The following TPCN2 variants were observed in gnomAD, a reference collection of about 807,000 sequenced individuals.
The protein encoded by TPCN2 is two pore segment channel 2.
A neutral mutation model predicts 111.4 loss-of-function variants in TPCN2; 92 were observed. That is an observed-to-expected ratio of 0.83 (90% CI 0.70 to 0.98). TPCN2 has a LOEUF of 0.98. Among genes scored for constraint, TPCN2 ranks in the 50% least tolerant of loss-of-function variants. The pLI, the probability that TPCN2 is intolerant of heterozygous loss-of-function variation, is 0.00. For synonymous variants in TPCN2, 405 were observed against 414.5 expected (o/e 0.98, Z 0.28); for missense variants, 995 against 980.1 (o/e 1.02, Z -0.20).
intron 8 of TPCN2, among the ~76,000 whole-genome samples, chr11:69,069,128 G>T (rs558209007): frequency 7.1e-6 from 1 of 140,126 alleles, no homozygotes; most frequent in East Asian, 2.1e-4. Context: ...CGCAGTGGGA[G>T]CAGGACTGTC....
intron 5 of TPCN2, among the ~76,000 whole-genome samples, chr11:69,061,529 CAG>C (rs924746322): frequency 5.9e-5 from 9 of 152,140 alleles, no homozygotes; most frequent in Non-Finnish European, 8.8e-5. Context: ...AGGTGTGAGG[CAG>C]AGAGAGGAGG....
intron 5 of TPCN2, among the ~76,000 whole-genome samples, chr11:69,062,544 G>A (rs1855068319): frequency 6.6e-6 from 1 of 151,292 alleles, no homozygotes; most frequent in South Asian, 2.1e-4. Context: ...TACCAAGGGA[G>A]GCATGGGGCC....
At chr11:69,086,173 G>C (rs1856265077) in intron 22 of TPCN2, among the ~76,000 whole-genome samples, 1 of 152,222 alleles carries the variant, frequency 6.6e-6, no homozygotes, top group Non-Finnish European at 1.5e-5. Flanking sequence ...GAGGTCGTTG[G>C]TGTGTTTGGG....
chr11:69,058,527 T>G (rs1247810626), intron 5 of TPCN2, among the ~76,000 whole-genome samples: 3 of 15,064 alleles, frequency 2.0e-4, no homozygotes, highest in Non-Finnish European at 0.05. Context: ...AGTGCCGATG[T>G]GGGGGCTGGA....
intron 1 of TPCN2, among the ~76,000 whole-genome samples, chr11:69,052,126 T>C (rs1186155587): frequency 2.0e-5 from 3 of 152,164 alleles, no homozygotes; most frequent in Non-Finnish European, 2.9e-5. Flanking sequence ...TGCCCACCAC[T>C]GTTGGCCTGG....
chr11:69,052,525 G>C (rs1406758914), intron 1 of TPCN2, among the ~76,000 whole-genome samples: 1 of 152,124 alleles, frequency 6.6e-6, no homozygotes, highest in African/African-American at 2.4e-5. Context: ...TGGGTCTCGT[G>C]GCTGTGCATG....
At chr11:69,052,256 G>C (rs1183999852) in intron 1 of TPCN2, among the ~76,000 whole-genome samples, 1 of 152,272 alleles carries the variant, frequency 6.6e-6, no homozygotes, top group African/African-American at 2.4e-5. Flanking sequence ...TCCTGGTAGA[G>C]ATTTTGTCTT....
At chr11:69,083,377 T>C (rs979484069) in intron 18 of TPCN2, 5 of 157,040 alleles carry the variant, frequency 3.2e-5, no homozygotes, top group African/African-American at 1.2e-4. Context: ...CTCAGGTGGG[T>C]TGATGGGGCT....
intron 4 of TPCN2, 135 bp downstream of exon 4, chr11:69,055,487 G>A: frequency 1.1e-6 from 1 of 950,128 alleles, no homozygotes; most frequent in South Asian, 1.7e-5. Flanking sequence ...GGTGAGCAAG[G>A]CACACTTTCT....
At chr11:69,066,975 C>T (rs1380938092) in intron 7 of TPCN2, among the ~76,000 whole-genome samples, 1 of 152,224 alleles carries the variant, frequency 6.6e-6, no homozygotes, top group Non-Finnish European at 1.5e-5. Context: ...GTGGATGCCC[C>T]CTTACCAATG....
At position 69,060,306 on chromosome 11, in the gene TPCN2, C is replaced by T. The variant is rs539160526; in HGVS notation, c.547-2578C>T. Among the ~76,000 whole-genome samples, 13 of 152,318 alleles carry T rather than the reference C, an allele frequency of 8.5e-5. No homozygotes were observed. In the East Asian group the frequency reaches 1.5e-3, roughly 18 times the overall value. Reference sequence around the variant, plus strand: ...GCTGAAATGTGCGTGTGTGTGTTTCCGGCTGGGCCGGCTATCATTCAGCAC... The same window carrying T: ...GCTGAAATGTGCGTGTGTGTGTTTCTGGCTGGGCCGGCTATCATTCAGCAC... On this transcript the variant is annotated intron_variant, in intron 5 of 24. Transcript: ENST00000294309.
chr11:69,081,648 C>G (rs1856017606), intron 18 of TPCN2, 149 bp downstream of exon 18: 2 of 565,606 alleles, frequency 3.5e-6, no homozygotes, highest in Non-Finnish European at 6.3e-6. Flanking sequence ...CTCTGCCGTG[C>G]TCTTGTGATG....
intron 13 of TPCN2, among the ~76,000 whole-genome samples, chr11:69,075,372 A>G (rs1397229705): frequency 6.6e-6 from 1 of 152,194 alleles, no homozygotes; most frequent in East Asian, 1.9e-4. Flanking sequence ...ACCTACACAC[A>G]TCCTTCCGTA....
intron 7 of TPCN2, among the ~76,000 whole-genome samples, chr11:69,066,740 C>T (rs1402925351): frequency 6.6e-5 from 10 of 152,198 alleles, no homozygotes; most frequent in Admixed American, 6.5e-4. Context: ...GTGCCACCTG[C>T]CCCCACAGTT....
chr11:69,083,929 C>T lies in TPCN2; in HGVS notation c.1690-16C>T. ...GGCCAGGAGGAGTAAGGGCTGTGCTCTCTTCCTGTCCTCAGCTGATGGCCG... is the reference window on the plus strand; with the variant it reads ...GGCCAGGAGGAGTAAGGGCTGTGCTTTCTTCCTGTCCTCAGCTGATGGCCG... On this transcript the variant is annotated splice_polypyrimidine_tract_variant and intron_variant, in intron 18 of 24. Transcript: ENST00000294309. 6.2e-7 allele frequency: 1 copy of T among 1,613,624 alleles called. No homozygotes were observed. The highest frequency in any genetic ancestry group is 8.5e-7 in the Non-Finnish European group (1 of 1,179,574).
In TPCN2 at chr11:69,083,927, C is replaced by T. The variant is rs1325971026; in HGVS notation, c.1690-18C>T. On this transcript the variant is annotated intron_variant, in intron 18 of 24. Transcript: ENST00000294309. Reference sequence around the variant, plus strand: ...GGGGCCAGGAGGAGTAAGGGCTGTGCTCTCTTCCTGTCCTCAGCTGATGGC... The same window carrying T: ...GGGGCCAGGAGGAGTAAGGGCTGTGTTCTCTTCCTGTCCTCAGCTGATGGC... 6.2e-7 allele frequency: 1 copy of T among 1,611,870 alleles called. No individual in the cohort carries two copies. The highest frequency in any genetic ancestry group is 1.7e-5 in the Admixed American group (1 of 60,022).
Position 69,089,571 on chromosome 11 carries a change from G to A in TPCN2, c.*1618G>A, listed in dbSNP as rs933577056. 1.3e-5 allele frequency: 2 copies of A among 152,402 alleles called. No homozygotes were observed. The highest frequency in any genetic ancestry group is 1.9e-4 in the East Asian group (1 of 5,174). The allele number at this position is 152,402 out of a possible 1,614,324, so 9.4% of individuals were successfully genotyped here. ...GTGGTAGGTTCTGGGTCTGCGTTTC[G>A]TCTAGGAGTGTCACAGGATGGACAC... On this transcript the variant is annotated 3_prime_UTR_variant, in exon 25 of 25. Coordinates refer to ENST00000294309, the MANE Select transcript of TPCN2 (RefSeq NM_139075.4).
chr11:69,065,605 C>G (rs4930647), intron 7 of TPCN2, among the ~76,000 whole-genome samples: 143,186 of 152,276 alleles, frequency 0.94, 67,714 homozygotes, highest in Non-Finnish European at 1. Context: ...TGCCCTGCCA[C>G]CCTGGCCTGG....
intron 13 of TPCN2, 68 bp downstream of exon 13, chr11:69,073,069 C>G: frequency 2.6e-6 from 3 of 1,156,828 alleles, no homozygotes; most frequent in Non-Finnish European, 3.9e-6. Context: ...CCTTGATCAC[C>G]TGGGGAACTC....
Sources: gnomAD v4.1 joint callset for allele counts (sites outside exome capture counted in the v4.1 genomes callset) on GRCh38, gnomAD v4.1.1 for gene constraint, MANE v1.5 for transcripts, NCBI Gene and HGNC (gene_info 2026-07-23, HGNC 2026-07-21) for gene names.